The following UCK1 variants were observed in gnomAD, a reference collection of about 807,000 sequenced individuals.
UCK1 encodes uridine-cytidine kinase 1.
In UCK1, 20 loss-of-function variants were observed where a neutral mutation model predicts 34.0. The observed-to-expected ratio is 0.59, with a 90% CI of 0.41 to 0.86. The LOEUF is 0.86. Among genes scored for constraint, UCK1 ranks in the 40% least tolerant of loss-of-function variants. The pLI, the probability that UCK1 is intolerant of heterozygous loss-of-function variation, is 0.00. For missense variants in UCK1, 343 were observed against 383.6 expected, an observed-to-expected ratio of 0.89 and a Z score of 0.88; for synonymous variants, 168 against 155.9, an observed-to-expected ratio of 1.08 and a Z score of -0.58.
Position 131,529,133 on chromosome 9 carries a change from C to A in UCK1, c.503G>T (p.Arg168Leu), listed in dbSNP as rs376058537. 6.2e-7 allele frequency: 1 copy of A among 1,613,614 alleles called. No homozygotes were observed. The highest frequency in any genetic ancestry group is 8.5e-7 in the Non-Finnish European group (1 of 1,179,868). Residue 168 changes from arginine (R) to leucine (L), a missense_variant, in exon 4 of 7, where the codon CGA becomes CTA. Physicochemically the swap from Arg to Leu is moderately radical, Grantham distance 102 (BLOSUM62 -2). Transcript: ENST00000372215. ...VDTDSDVRLS[R>L]RVLRDVRRGR... ...GAGGCCCGCGGCCGCCTTACCTCTT[C>A]GAGACAGCCTGACGTCGGAGTCGGT...
Position 131,525,093 on chromosome 9 carries a change from T to A in UCK1, c.781A>T (p.Met261Leu). 1.2e-6 allele frequency: 2 copies of A among 1,613,724 alleles called. No homozygotes were observed. Among genetic ancestry groups the A allele is most frequent in the South Asian group, 2.2e-5 (2 of 91,072 alleles). The change falls in exon 7 of 7, where the codon ATG (methionine) becomes TTG (leucine). Residue 261 changes from methionine to leucine, a missense_variant. By Grantham distance (15) the Met-to-Leu change is conservative (BLOSUM62 2). Coordinates refer to ENST00000372215, the MANE Select transcript of UCK1 (RefSeq NM_031432.5). The stretch of plus-strand genomic sequence containing the variant: ...TGTGACCGTTTGCCAGAGGTCAGCA[T>A]CCCAGGGTGGTCCCCTGGCTCAGAA... ...TFSEPGDHPG[M>L]LTSGKRSHLE...
At chr9:131,531,008 G>C in intron 1 of UCK1, 59 bp downstream of exon 1, 1 of 1,307,396 alleles carries the variant, frequency 7.6e-7, no homozygotes, top group Non-Finnish European at 9.8e-7. Flanking sequence ...CTCCTCTCTG[G>C]ACCGGGCCGC....
intron 2 of UCK1, 59 bp downstream of exon 2, chr9:131,530,427 G>A (rs917956619): frequency 6.3e-7 from 1 of 1,598,628 alleles, no homozygotes; most frequent in Non-Finnish European, 8.6e-7. Flanking sequence ...AAGCGCAGCT[G>A]GTTAGCGGCC....
At chr9:131,531,046 C>G in intron 1 of UCK1, 21 bp downstream of exon 1, 1 of 1,347,460 alleles carries the variant, frequency 7.4e-7, no homozygotes, top group South Asian at 1.8e-5. Context: ...AGGCGAGACC[C>G]CGGCCCGCTC....
chr9:131,528,811 C>G, intron 5 of UCK1, 133 bp downstream of exon 5: 1 of 1,100,716 alleles, frequency 9.1e-7, no homozygotes, highest in East Asian at 2.6e-5. Flanking sequence ...GGTATGTGGC[C>G]ATAATGAGCC....
At position 131,529,014 on chromosome 9, in the gene UCK1, C is replaced by G. The variant is rs1564407487; in HGVS notation, c.533G>C (p.Arg178Thr). 6.2e-7 allele frequency: 1 copy of G among 1,614,088 alleles called. No homozygotes were observed. The highest frequency in any genetic ancestry group is 8.5e-7 in the Non-Finnish European group (1 of 1,180,014). The change falls in exon 5 of 7, where the codon AGG becomes ACG. Residue 178 changes from arginine (R) to threonine (T), a missense_variant. Physicochemically the swap from Arg to Thr is moderately conservative, Grantham distance 71. Transcript: ENST00000372215. The stretch of plus-strand genomic sequence containing the variant: ...CTGCGTCAGAATCTGCTCCAGGTCC[C>G]TCCCTCGGCGCACGTCCCGGAGAAC... The part of the protein sequence containing the change: ...RRVLRDVRRG[R>T]DLEQILTQYT...
At chr9:131,530,420 C>A (rs750730640) in intron 2 of UCK1, 66 bp downstream of exon 2, 1 of 1,590,950 alleles carries the variant, frequency 6.3e-7, no homozygotes, top group Non-Finnish European at 8.6e-7. Flanking sequence ...TGGGCCCAAG[C>A]GCAGCTGGTT....
chr9:131,531,078 C>A lies in UCK1; in HGVS notation c.97G>T (p.Ala33Ser). The change falls in exon 1 of 7, where the codon GCC (alanine) becomes TCC (serine). Residue 33 changes from alanine (A) to serine (S), a missense_variant. Ala to Ser is a moderately conservative substitution (Grantham distance 99, BLOSUM62 1). Transcript: ENST00000372215. ...GCTCGGCCCCTTACCTTCCCGCTGGCAGTGCCGCCGCTCACCCCTATCAGG... is the reference window on the plus strand; with the variant it reads ...GCTCGGCCCCTTACCTTCCCGCTGGAAGTGCCGCCGCTCACCCCTATCAGG... ...PFLIGVSGGT[A>S]SGKSTVCEKI... 7.1e-7 allele frequency: 1 copy of A among 1,411,264 alleles called. No homozygotes were observed. Among genetic ancestry groups the A allele is most frequent in the Non-Finnish European group, 9.2e-7 (1 of 1,085,022 alleles). 87.4% of individuals were successfully genotyped at this position (1,411,264 alleles called of 1,614,324 possible).
chr9:131,526,601 G>T, intron 5 of UCK1: 1 of 1,026,656 alleles, frequency 9.7e-7, no homozygotes, highest in Non-Finnish European at 1.3e-6. Context: ...TGGCTTTAGG[G>T]AAGGGGAAGC....
intron 1 of UCK1, 99 bp from the exon 2 acceptor site, chr9:131,530,744 G>T (rs3904960): frequency 0.79 from 1,277,292 of 1,607,240 alleles, 511,281 homozygotes; most frequent in East Asian, 0.92. Context: ...CCCCTGGGGG[G>T]TATGCTCGGA....
At chr9:131,529,432 G>A (rs968234640) in intron 3 of UCK1, 56 bp downstream of exon 3, 47 of 1,609,944 alleles carry the variant, frequency 2.9e-5, no homozygotes, top group South Asian at 5.5e-5. Flanking sequence ...GTGTGAGCCC[G>A]AGGGGACGTC....
chr9:131,528,352 T>C (rs1378196809), intron 5 of UCK1, among the ~76,000 whole-genome samples: 1 of 151,750 alleles, frequency 6.6e-6, no homozygotes, highest in Non-Finnish European at 1.5e-5. Context: ...GATGGAGAAA[T>C]GGAGAAAAGA....
rs983617748 is a variant in UCK1 at position 131,531,222 on chromosome 9, C to T, written c.-48G>A. 3.0e-6 allele frequency: 4 copies of T among 1,335,742 alleles called. No individual in the cohort carries two copies. The highest frequency in any genetic ancestry group is 1.8e-5 in the South Asian group (1 of 55,774). 82.7% of individuals were successfully genotyped at this position (1,335,742 alleles called of 1,614,324 possible). ...CGGGTCCCCGCGCCCGCCCCTTCCC[C>T]AGGCCCGGCGCGCCCGCCCAGCGCC... On this transcript the variant is annotated 5_prime_UTR_variant, in exon 1 of 7. Transcript: ENST00000372215.
At position 131,529,186 on chromosome 9, in the gene UCK1, GTCCCGGA is replaced by G; in HGVS notation, c.443_449del (p.Ile148ThrfsTer35). The G allele has an allele frequency of 6.2e-7, 1 of 1,614,158 alleles. No individual in the cohort carries two copies. The highest frequency in any genetic ancestry group is 8.5e-7 in the Non-Finnish European group (1 of 1,180,034). On this transcript the variant is annotated frameshift_variant, in exon 4 of 7. Transcript: ENST00000372215. LOFTEE classifies it high-confidence loss of function. ...CCACGAAGAGGCGCAGGTGGAACAT[GTCCCGGA>G]TCTCCTGGCTGTAGAACACCAAGAT...
At chr9:131,528,258 T>C (rs188329011) in intron 5 of UCK1, among the ~76,000 whole-genome samples, 1 of 152,168 alleles carries the variant, frequency 6.6e-6, no homozygotes, top group East Asian at 1.9e-4. Flanking sequence ...TTGTGCTGTA[T>C]TTTTACCTTA....
intron 5 of UCK1, 82 bp downstream of exon 5, chr9:131,528,860 CAG>C (rs1160311328): frequency 2.6e-6 from 4 of 1,512,718 alleles, no homozygotes; most frequent in Non-Finnish European, 3.6e-6. Flanking sequence ...CACTGTCACC[CAG>C]CACTAAGCCC....
chr9:131,528,786 G>A (rs1950708986), intron 5 of UCK1, 158 bp downstream of exon 5: 1 of 833,702 alleles, frequency 1.2e-6, no homozygotes, highest in Non-Finnish European at 1.8e-6. Context: ...TTTTACAGCT[G>A]AGAACTACTC....
intron 2 of UCK1, 89 bp from the exon 3 acceptor site, chr9:131,529,673 T>C (rs1227366857): frequency 1.6e-6 from 2 of 1,223,096 alleles, no homozygotes; most frequent in Admixed American, 3.4e-5. Context: ...TCAGCACAGC[T>C]GGGTGCTGGG....
At chr9:131,527,702 C>A (rs761793748) in intron 5 of UCK1, among the ~76,000 whole-genome samples, 1 of 151,890 alleles carries the variant, frequency 6.6e-6, no homozygotes, top group African/African-American at 2.4e-5. Flanking sequence ...CACAGGGAGA[C>A]CCCATCTCTA....
Sources: allele counts gnomAD v4.1 joint callset (sites outside exome capture counted in the v4.1 genomes callset), GRCh38; gene constraint gnomAD v4.1.1; transcripts MANE v1.5; gene names NCBI Gene and HGNC (gene_info 2026-07-23, HGNC 2026-07-21).